Variants in GPC6 observed in about 807,000 individuals in gnomAD.
The protein encoded by GPC6 is glypican-6.
GPC6 carries 14 observed loss-of-function variants against 55.2 expected under a neutral mutation model. The ratio of observed to expected loss-of-function variants is 0.25; its 90% CI spans 0.17 to 0.40. The LOEUF is 0.40. Ranked by LOEUF, GPC6 falls within the 10% of genes least tolerant of loss-of-function variation. GPC6 has a pLI of 1.00. For missense variants in GPC6, 641 were observed against 708.5 expected, an observed-to-expected ratio of 0.90 and a Z score of 1.08; for synonymous variants, 278 against 259.6, an observed-to-expected ratio of 1.07 and a Z score of -0.68.
chr13:93,857,882 G>A (rs1033941977), intron 3 of GPC6, among the ~76,000 whole-genome samples: 20 of 151,346 alleles, frequency 1.3e-4, no homozygotes, highest in African/African-American at 4.8e-4. Context: ...TAATATATAG[G>A]GTCAAAGAGA....
chr13:94,291,999 CT>C (rs1398019755), intron 5 of GPC6, among the ~76,000 whole-genome samples: 1 of 152,160 alleles, frequency 6.6e-6, no homozygotes, highest in African/African-American at 2.4e-5. Context: ...CCCAGAGCCT[CT>C]TTCAGAAAAG....
At chr13:93,906,048 A>T (rs561640063) in intron 3 of GPC6, among the ~76,000 whole-genome samples, 2 of 152,288 alleles carry the variant, frequency 1.3e-5, no homozygotes, top group South Asian at 4.1e-4. Flanking sequence ...AAATTTGTTC[A>T]CTTCAACAGG....
chr13:94,334,725 T>G lies in GPC6; in HGVS notation c.1152+28602T>G, dbSNP rs1233040311. Among the ~76,000 whole-genome samples the G allele has an allele frequency of 2.0e-5, 3 of 152,292 alleles. No individual in the cohort carries two copies. In the East Asian group the frequency reaches 5.8e-4, roughly 29 times the overall value. ...AAGTCTGGGACCTAGAAAATAAGGATTCAGCCCCAGAGCCCTTGCTTGAGT... is the reference window on the plus strand; with the variant it reads ...AAGTCTGGGACCTAGAAAATAAGGAGTCAGCCCCAGAGCCCTTGCTTGAGT... On this transcript the variant is annotated intron_variant, in intron 6 of 8. Coordinates refer to ENST00000377047, the MANE Select transcript of GPC6 (RefSeq NM_005708.5).
intron 2 of GPC6, among the ~76,000 whole-genome samples, chr13:93,680,846 A>T (rs749097743): frequency 1.3e-5 from 2 of 152,146 alleles, no homozygotes; most frequent in African/African-American, 4.8e-5. Flanking sequence ...GAGTCTTTCT[A>T]TAGGAAACAA....
chr13:94,172,350 G>C (rs1190769111), intron 4 of GPC6, among the ~76,000 whole-genome samples: 1 of 151,986 alleles, frequency 6.6e-6, no homozygotes, highest in Non-Finnish European at 1.5e-5. Flanking sequence ...ATGATCGAGT[G>C]ATCTTATTCA....
At chr13:94,015,876 G>T (rs1468236521) in intron 3 of GPC6, among the ~76,000 whole-genome samples, 2 of 152,154 alleles carry the variant, frequency 1.3e-5, no homozygotes, top group African/African-American at 2.4e-5. Context: ...TCTTACACCA[G>T]TACCACTGTG....
At chr13:94,324,245 G>A (rs1381984370) in intron 6 of GPC6, among the ~76,000 whole-genome samples, 1 of 149,652 alleles carries the variant, frequency 6.7e-6, no homozygotes, top group African/African-American at 2.5e-5. Context: ...TCCAGTGACT[G>A]ATTTCTGAGA....
intron 2 of GPC6, among the ~76,000 whole-genome samples, chr13:93,679,501 C>CT (rs1881770378): frequency 6.6e-6 from 1 of 152,118 alleles, no homozygotes; most frequent in East Asian, 1.9e-4. Context: ...AGTGATATAA[C>CT]TATTTTGTTT....
chr13:93,588,235 C>T (rs912275658), intron 2 of GPC6, among the ~76,000 whole-genome samples: 3 of 151,992 alleles, frequency 2.0e-5, no homozygotes, highest in East Asian at 1.9e-4. Flanking sequence ...TATGTGTGTG[C>T]GTATGTTTAA....
chr13:93,221,300 TG>T, the GPC6 span, among the ~76,000 whole-genome samples: 1 of 152,236 alleles, frequency 6.6e-6, no homozygotes, highest in East Asian at 1.9e-4. Flanking sequence ...CTGACATATA[TG>T]AAGACTAAAC....
At chr13:94,198,687 T>C (rs1009915709) in intron 4 of GPC6, among the ~76,000 whole-genome samples, 2 of 152,100 alleles carry the variant, frequency 1.3e-5, no homozygotes, top group African/African-American at 4.8e-5. Context: ...AATTGAAAAA[T>C]GTCTTTAGGG....
intron 3 of GPC6, among the ~76,000 whole-genome samples, chr13:93,911,350 A>G (rs951712032): frequency 6.6e-6 from 1 of 152,140 alleles, no homozygotes; most frequent in South Asian, 2.1e-4. Context: ...TAAGTCACTG[A>G]TTCAGTGTCC....
At chr13:93,397,446 A>G (rs1875901748) in intron 1 of GPC6, among the ~76,000 whole-genome samples, 1 of 152,242 alleles carries the variant, frequency 6.6e-6, no homozygotes, top group Non-Finnish European at 1.5e-5. Context: ...CCATTTGGAT[A>G]TCTTTCTTGA....
At chr13:94,005,984 ACT>A (rs1363641008) in intron 3 of GPC6, among the ~76,000 whole-genome samples, 1 of 151,720 alleles carries the variant, frequency 6.6e-6, no homozygotes, top group Non-Finnish European at 1.5e-5. Context: ...AGATGTTGAA[ACT>A]CTTTCTTTCC....
At chr13:93,860,792 C>T (rs1460561341) in intron 3 of GPC6, among the ~76,000 whole-genome samples, 1 of 151,658 alleles carries the variant, frequency 6.6e-6, no homozygotes, top group Non-Finnish European at 1.5e-5. Flanking sequence ...CCAAATCTGT[C>T]ACAATTAATT....
At chr13:93,953,945 A>G (rs564834045) in intron 3 of GPC6, among the ~76,000 whole-genome samples, 13 of 152,216 alleles carry the variant, frequency 8.5e-5, no homozygotes, top group Non-Finnish European at 1.8e-4. Context: ...TTTAAAGTGT[A>G]CAATTCACTG....
chr13:94,066,609 A>C (rs1460402745), intron 4 of GPC6, among the ~76,000 whole-genome samples: 1 of 152,212 alleles, frequency 6.6e-6, no homozygotes, highest in Non-Finnish European at 1.5e-5. Context: ...TCACTAAGTC[A>C]GTTCTCCATG....
At chr13:93,523,040 T>TAC (rs549435033) in intron 1 of GPC6, among the ~76,000 whole-genome samples, 8,643 of 150,066 alleles carry the variant, frequency 0.058, 812 homozygotes, top group African/African-American at 0.2. Flanking sequence ...TACAAATACA[T>TAC]ACACACACAC....
At chr13:93,966,512 C>A (rs1200891029) in intron 3 of GPC6, among the ~76,000 whole-genome samples, 2 of 152,050 alleles carry the variant, frequency 1.3e-5, no homozygotes, top group Non-Finnish European at 2.9e-5. Flanking sequence ...TTTGGTGGAC[C>A]AAGAGCTAAC....
Sources: allele counts gnomAD v4.1 joint callset (sites outside exome capture counted in the v4.1 genomes callset), GRCh38; gene constraint gnomAD v4.1.1; transcripts MANE v1.5; gene names NCBI Gene and HGNC (gene_info 2026-07-23, HGNC 2026-07-21).